Variants in ATP10B observed in about 807,000 individuals in gnomAD.
ATP10B encodes ATPase phospholipid transporting 10B (putative), also known as phospholipid-transporting ATPase VB.
ATP10B carries 122 observed loss-of-function variants against 141.2 expected under a neutral mutation model. The ratio of observed to expected loss-of-function variants is 0.86; its 90% confidence interval spans 0.75 to 1.00. The LOEUF (loss-of-function observed/expected upper bound fraction) is 1.00, where lower values mean the gene tolerates loss of function less well. Ranked by LOEUF, ATP10B falls within the 50% of genes least tolerant of loss-of-function variation. The probability of loss-of-function intolerance (pLI) is 0.00; values close to 1 mark genes in which losing one functional copy is unlikely to be tolerated. For missense variants in ATP10B, 1,876 were observed against 1,825.3 expected, an observed-to-expected ratio of 1.03 and a Z score of -0.51; for synonymous variants, 685 against 692.0, an observed-to-expected ratio of 0.99 and a Z score of 0.16.
intron 2 of ATP10B, among the ~76,000 whole-genome samples, chr5:160,751,569 A>G (rs1181314133): frequency 6.6e-6 from 1 of 151,390 alleles, no homozygotes; most frequent in African/African-American, 2.4e-5. Context: ...TCTGCAAAAT[A>G]CCTAATCACC....
At chr5:160,660,749 A>G (rs986386624) in intron 7 of ATP10B, among the ~76,000 whole-genome samples, 7 of 152,250 alleles carry the variant, frequency 4.6e-5, no homozygotes, top group Admixed American at 1.3e-4. Flanking sequence ...TTCCTATGAC[A>G]TAACATTGAC....
chr5:160,885,462 C>A, the ATP10B span, among the ~76,000 whole-genome samples: 1 of 152,218 alleles, frequency 6.6e-6, no homozygotes, highest in African/African-American at 2.4e-5. Flanking sequence ...AATAACTTTG[C>A]AGGCAAGTCA....
chr5:160,685,439 G>T, intron 6 of ATP10B: 1 of 398,942 alleles, frequency 2.5e-6, no homozygotes, highest in Non-Finnish European at 4.4e-6. Flanking sequence ...TCCACCTGTT[G>T]GAATGTAGAC....
Position 160,686,134 on chromosome 5 carries a change from T to A in ATP10B, c.415A>T (p.Lys139Ter), listed in dbSNP as rs749280278. ...ATTGCTTTATCAAAGCGGTGTCTCT[T>A]GAAGTCCTCCATGCCATCCTTGATC... ...IMIKDGMEDF[K>*]RHRFDKAINC... is the part of the protein sequence containing the mutation. Residue 139 changes from lysine to a stop codon, truncating the protein, a stop_gained, in exon 6 of 26, where the codon AAG (lysine) becomes TAG (stop). Transcript: ENST00000327245. LOFTEE classifies it high-confidence loss of function. 3 of 1,611,148 alleles carry A rather than the reference T, an allele frequency of 1.9e-6. No homozygotes were observed. In the South Asian group the frequency reaches 3.3e-5, roughly 18 times the overall value.
chr5:160,597,707 T>C (rs937734927), intron 22 of ATP10B, among the ~76,000 whole-genome samples: 3 of 151,448 alleles, frequency 2.0e-5, no homozygotes, highest in African/African-American at 4.8e-5. Flanking sequence ...AAGAAAAAAA[T>C]AAACAACCCC....
intron 1 of ATP10B, among the ~76,000 whole-genome samples, chr5:160,828,110 G>C (rs930406651): frequency 6.6e-6 from 1 of 152,060 alleles, no homozygotes; most frequent in Non-Finnish European, 1.5e-5. Flanking sequence ...AAAAACCCTA[G>C]AAGAAAACCT....
At chr5:160,852,837 G>A (rs1166813425), upstream of ATP10B, among the ~76,000 whole-genome samples, 3 of 151,934 alleles carry the variant, frequency 2.0e-5, no homozygotes, top group Non-Finnish European at 4.4e-5. Context: ...CTGTATTGAT[G>A]GATAATTATT....
In ATP10B at chr5:160,681,578, C is replaced by T. The variant is rs1279184163; in HGVS notation, c.470+4501G>A. Among the ~76,000 whole-genome samples the T allele has an allele frequency of 2.6e-5, 4 of 152,132 alleles. No homozygotes were observed. The South Asian group carries it at 6.2e-4, about 24-fold the overall frequency. On this transcript the variant is annotated intron_variant, in intron 6 of 25. Coordinates refer to ENST00000327245, the MANE Select transcript of ATP10B (RefSeq NM_025153.3). ...AGGACAGCTCAAGCCAAGTTCTAGA[C>T]CAGCCTGGGCAACGTACCAAGACCC...
At position 160,586,391 on chromosome 5, in the gene ATP10B, G is replaced by C. The variant is rs181298206; in HGVS notation, c.3750+3201C>G. Among the ~76,000 whole-genome samples the C allele has an allele frequency of 2.4e-4, 37 of 152,206 alleles. No homozygotes were observed. In the East Asian group the frequency reaches 6.7e-3, roughly 28 times the overall value. On this transcript the variant is annotated intron_variant, in intron 24 of 25. Coordinates refer to ENST00000327245, the MANE Select transcript of ATP10B (RefSeq NM_025153.3). ...TATCCAATCTGTCATTGGGTATTTGGGTTGGTTCCATGTCTTTGCTATTGT... is the reference window on the plus strand; with the variant it reads ...TATCCAATCTGTCATTGGGTATTTGCGTTGGTTCCATGTCTTTGCTATTGT...
chr5:160,596,589 G>T (rs571670107), intron 22 of ATP10B, among the ~76,000 whole-genome samples: 10,230 of 147,952 alleles, frequency 0.069, 772 homozygotes, highest in African/African-American at 0.19. Context: ...ATTAGGAAAA[G>T]AGGAAGTCAA....
chr5:160,823,695 G>A lies in ATP10B; in HGVS notation c.-576+28246C>T, dbSNP rs187765257. ...TAAAGATACAAAAAATTAGCCAGGCGTGGTGGCAGCCGCCTGTAGTCCCAG... is the reference window on the plus strand; with the variant it reads ...TAAAGATACAAAAAATTAGCCAGGCATGGTGGCAGCCGCCTGTAGTCCCAG... On this transcript the variant is annotated intron_variant, in intron 1 of 25. Coordinates refer to ENST00000327245, the MANE Select transcript of ATP10B (RefSeq NM_025153.3). Among the ~76,000 whole-genome samples, 926 of 152,144 alleles carry A rather than the reference G, an allele frequency of 6.1e-3. 12 individuals are homozygous for A. The highest frequency in any genetic ancestry group is 0.021 in the African/African-American group (867 of 41,540).
intron 21 of ATP10B, among the ~76,000 whole-genome samples, chr5:160,600,352 A>C (rs1443206676): frequency 6.6e-6 from 1 of 152,096 alleles, no homozygotes; most frequent in Non-Finnish European, 1.5e-5. Context: ...ACTACCTCTA[A>C]ACTTTCTCAG....
intron 2 of ATP10B, among the ~76,000 whole-genome samples, chr5:160,718,425 T>G (rs570691074): frequency 6.6e-6 from 1 of 152,342 alleles, no homozygotes; most frequent in South Asian, 2.1e-4. Context: ...CTCCTTGTCT[T>G]AGTCCATTTT....
chr5:160,584,712 T>A (rs539599933), intron 24 of ATP10B, among the ~76,000 whole-genome samples: 1 of 152,342 alleles, frequency 6.6e-6, no homozygotes, highest in Non-Finnish European at 1.5e-5. Context: ...ATGTTGTGTC[T>A]TATAGTTTTA....
chr5:160,768,830 C>A (rs1769672980), intron 2 of ATP10B, among the ~76,000 whole-genome samples: 1 of 152,168 alleles, frequency 6.6e-6, no homozygotes, highest in Non-Finnish European at 1.5e-5. Flanking sequence ...TTTCTCTTTT[C>A]TTTTCACAAA....
chr5:160,808,374 G>A (rs1177858118), intron 1 of ATP10B, among the ~76,000 whole-genome samples: 1 of 152,186 alleles, frequency 6.6e-6, no homozygotes, highest in Admixed American at 6.5e-5. Flanking sequence ...AGCATGGCAA[G>A]TTGTCTCTGA....
the ATP10B span, among the ~76,000 whole-genome samples, chr5:160,871,613 T>C: frequency 6.6e-6 from 1 of 152,306 alleles, no homozygotes; most frequent in East Asian, 1.9e-4. Context: ...AGTGAGAACA[T>C]ACGATGTTTG....
intron 2 of ATP10B, among the ~76,000 whole-genome samples, chr5:160,724,826 G>T (rs1484897384): frequency 2.0e-5 from 3 of 152,148 alleles, no homozygotes; most frequent in Non-Finnish European, 4.4e-5. Context: ...ATTTAAAACT[G>T]TAAGTTCCCT....
chr5:160,823,055 G>A (rs1466387433), intron 1 of ATP10B, among the ~76,000 whole-genome samples: 5 of 118,554 alleles, frequency 4.2e-5, no homozygotes, highest in Admixed American at 1.0e-4. Flanking sequence ...AGTGTAATTG[G>A]ATTGTAACAC....
Sources: allele counts gnomAD v4.1 joint callset (sites outside exome capture counted in the v4.1 genomes callset), GRCh38; gene constraint gnomAD v4.1.1; transcripts MANE v1.5; gene names NCBI Gene and HGNC (gene_info 2026-07-23, HGNC 2026-07-21).